STS: variants seen among roughly 807,000 people sequenced by gnomAD.
STS encodes the protein steryl-sulfatase.
STS carries 7 observed loss-of-function variants against 26.8 expected under a neutral mutation model. The ratio of observed to expected loss-of-function variants is 0.26; its 90% CI spans 0.15 to 0.49. The LOEUF (loss-of-function observed/expected upper bound fraction) is 0.49, where lower values mean the gene tolerates loss of function less well. Among genes scored for constraint, STS ranks in the 20% least tolerant of loss-of-function variants. The pLI, the probability that STS is intolerant of heterozygous loss-of-function variation, is 0.98. For synonymous variants in STS, 199 were observed against 189.4 expected, an observed-to-expected ratio of 1.05 and a Z score of -0.42; for missense variants, 434 against 465.6, an observed-to-expected ratio of 0.93 and a Z score of 0.63.
chrX:7,323,721 C>G (rs1033557863), intron 8 of STS, among the ~76,000 whole-genome samples: 5 of 111,643 alleles, frequency 4.5e-5, no homozygotes, highest in Non-Finnish European at 9.4e-5. Context: ...ATTTATTTTC[C>G]TTTGGGAATA....
At chrX:7,231,362 C>T (rs183511282) in intron 2 of STS, among the ~76,000 whole-genome samples, 11 of 112,168 alleles carry the variant, frequency 9.8e-5, no homozygotes, top group Admixed American at 4.7e-4. Context: ...GTTGATATTA[C>T]GTGGTTTTAT....
chrX:7,148,410 G>A (rs1165081406), intron 1 of STS, among the ~76,000 whole-genome samples: 1 of 113,037 alleles, frequency 8.8e-6, no homozygotes, highest in Non-Finnish European at 1.9e-5. Context: ...ATCGGGCCAA[G>A]CTACTCAGCC....
intron 7 of STS, among the ~76,000 whole-genome samples, chrX:7,299,014 AT>A (rs1925803756): frequency 1.5e-5 from 1 of 66,198 alleles, no homozygotes; most frequent in Non-Finnish European, 2.8e-5. Flanking sequence ...ATATTTATAT[AT>A]ATATAAATAT....
chrX:7,191,778 A>C (rs150089714), intron 2 of STS, among the ~76,000 whole-genome samples: 2 of 99,811 alleles, frequency 2.0e-5, no homozygotes, highest in East Asian at 6.5e-4. Flanking sequence ...CTTTCCCCTG[A>C]TGGAGGTGAG....
intron 8 of STS, 94 bp downstream of exon 8, chrX:7,305,277 T>A: frequency 1.2e-5 from 13 of 1,075,330 alleles, no homozygotes; most frequent in Non-Finnish European, 1.7e-5. Flanking sequence ...GTTCTTCTGC[T>A]ACTTTGCAAT....
intron 2 of STS, among the ~76,000 whole-genome samples, chrX:7,223,694 C>T (rs1479590601): frequency 9.1e-6 from 1 of 110,312 alleles, no homozygotes; most frequent in East Asian, 2.8e-4. Context: ...ATTTTTTTTC[C>T]ATTCTGTAGG....
intron 6 of STS, among the ~76,000 whole-genome samples, chrX:7,265,359 G>A (rs1024276544): frequency 1.2e-4 from 13 of 111,328 alleles, no homozygotes; most frequent in Non-Finnish European, 2.3e-4. Context: ...TGGCTTCCAG[G>A]GTGAATCACC....
chrX:7,200,578 G>A (rs781123979), intron 2 of STS, among the ~76,000 whole-genome samples: 1 of 111,221 alleles, frequency 9.0e-6, no homozygotes, highest in African/African-American at 3.3e-5. Flanking sequence ...TGGATGAAAC[G>A]GAAAGGGAGG....
intron 6 of STS, among the ~76,000 whole-genome samples, chrX:7,269,843 C>T (rs1451162971): frequency 8.9e-6 from 1 of 111,773 alleles, no homozygotes; most frequent in African/African-American, 3.3e-5. Flanking sequence ...AAGGAATTCA[C>T]AGACATCCCT....
At chrX:7,254,944 A>G (rs1267309973) in intron 3 of STS, among the ~76,000 whole-genome samples, 3 of 111,978 alleles carry the variant, frequency 2.7e-5, no homozygotes, top group Non-Finnish European at 5.6e-5. Flanking sequence ...ACCCATTGCC[A>G]AGTGCCATGG....
At chrX:7,219,432 C>T in intron 2 of STS, 1 of 1,058,630 alleles carries the variant, frequency 9.4e-7, no homozygotes. Flanking sequence ...AAGAGTGTCT[C>T]CGCCTCACAT....
chrX:7,265,739 T>C (rs1923974568), intron 6 of STS, among the ~76,000 whole-genome samples: 1 of 112,341 alleles, frequency 8.9e-6, no homozygotes, highest in Non-Finnish European at 1.9e-5. Flanking sequence ...GTACACTGTG[T>C]ACATTCACAA....
chrX:7,313,642 C>T (rs1382103406), intron 8 of STS, among the ~76,000 whole-genome samples: 4 of 111,821 alleles, frequency 3.6e-5, no homozygotes, highest in Non-Finnish European at 7.5e-5. Flanking sequence ...TGTGTTCATG[C>T]ATTTGGTTTA....
At chrX:7,149,696 A>C (rs1004728800) in intron 1 of STS, among the ~76,000 whole-genome samples, 1 of 111,949 alleles carries the variant, frequency 8.9e-6, no homozygotes, top group Non-Finnish European at 1.9e-5. Context: ...TGGAGGCCAG[A>C]AGTCCTAGAT....
intron 8 of STS, among the ~76,000 whole-genome samples, chrX:7,320,653 G>A (rs1341110955): frequency 8.9e-6 from 1 of 111,841 alleles, no homozygotes; most frequent in Non-Finnish European, 1.9e-5. Context: ...AAACTAGACA[G>A]TAATTCACAC....
At chrX:7,348,725 T>C (rs1283260834) in intron 10 of STS, among the ~76,000 whole-genome samples, 4 of 112,291 alleles carry the variant, frequency 3.6e-5, no homozygotes, top group African/African-American at 1.3e-4. Context: ...TTTTAAAAAC[T>C]AACCATCCTA....
intron 8 of STS, among the ~76,000 whole-genome samples, chrX:7,324,266 G>T (rs929829051): frequency 9.0e-6 from 1 of 110,914 alleles, no homozygotes; most frequent in Non-Finnish European, 1.9e-5. Flanking sequence ...GCAGTCAATA[G>T]AAGGGAGTGT....
At chrX:7,342,040 G>C (rs1322010794) in intron 10 of STS, among the ~76,000 whole-genome samples, 1 of 110,748 alleles carries the variant, frequency 9.0e-6, no homozygotes, top group Non-Finnish European at 1.9e-5. Context: ...TTGAACTCCT[G>C]ACCTCAGGTG....
At chrX:7,343,012 G>A (rs1928361214) in intron 10 of STS, among the ~76,000 whole-genome samples, 1 of 110,847 alleles carries the variant, frequency 9.0e-6, no homozygotes, top group South Asian at 3.9e-4. Flanking sequence ...TTACTGAGGG[G>A]GCAGGCCTAG....
Sources: allele counts gnomAD v4.1 joint callset (sites outside exome capture counted in the v4.1 genomes callset), GRCh38; gene constraint gnomAD v4.1.1; transcripts MANE v1.5; gene names NCBI Gene and HGNC (gene_info 2026-07-23, HGNC 2026-07-21).